CALN1: variants seen among roughly 807,000 people sequenced by gnomAD.
CALN1 encodes the protein calneuron 1, also known as calcium-binding protein 8.
A neutral mutation model predicts 30.6 loss-of-function variants in CALN1; 17 were observed. The ratio of observed to expected loss-of-function variants is 0.56; its 90% CI spans 0.38 to 0.83. CALN1 has a LOEUF of 0.83. CALN1 is among the 40% of genes least tolerant of loss of function. CALN1 has a pLI of 0.00. For missense variants in CALN1, 291 were observed against 354.9 expected, an observed-to-expected ratio of 0.82 and a Z score of 1.45; for synonymous variants, 156 against 131.4, an observed-to-expected ratio of 1.19 and a Z score of -1.28.
chr7:72,385,010 C>T (rs1486356225), intron 2 of CALN1, among the ~76,000 whole-genome samples: 2 of 152,050 alleles, frequency 1.3e-5, no homozygotes, highest in African/African-American at 4.8e-5. Context: ...GAACATACTC[C>T]TCCGCAAGAA....
intron 2 of CALN1, among the ~76,000 whole-genome samples, chr7:72,328,459 C>T (rs1416930581): frequency 6.6e-6 from 1 of 152,192 alleles, no homozygotes; most frequent in Non-Finnish European, 1.5e-5. Context: ...GCCTCCCAGG[C>T]ATGTGGTACT....
Position 72,432,237 on chromosome 7 carries a change from G to A in CALN1, c.-226+14805C>T, listed in dbSNP as rs558858941. 2.6e-5 allele frequency among the ~76,000 whole-genome samples: 4 copies of A among 152,230 alleles called. No individual in the cohort carries two copies. In the South Asian group the frequency reaches 6.2e-4, roughly 24 times the overall value. On this transcript the variant is annotated intron_variant, in intron 1 of 6. Coordinates refer to the CALN1 transcript ENST00000395276. ...GCAGTTCTCCTGCCTACACTCTCTT[G>A]CCTGCCACCATGTAAGACGTGCCTT...
At chr7:72,051,067 T>C (rs1478821270) in intron 4 of CALN1, among the ~76,000 whole-genome samples, 1 of 150,992 alleles carries the variant, frequency 6.6e-6, no homozygotes, top group Non-Finnish European at 1.5e-5. Flanking sequence ...AAGGAAAAAA[T>C]AAAACATTTT....
At chr7:72,483,443 C>G in the CALN1 span, among the ~76,000 whole-genome samples, 1 of 151,936 alleles carries the variant, frequency 6.6e-6, no homozygotes, top group African/African-American at 2.4e-5. Flanking sequence ...CACCACCATG[C>G]CCAGCTAATT....
intron 5 of CALN1, among the ~76,000 whole-genome samples, chr7:72,004,416 T>C (rs73366301): frequency 0.013 from 2,005 of 152,218 alleles, 46 homozygotes; most frequent in African/African-American, 0.043. Context: ...ATGTAAAACA[T>C]AGAACTATAA....
At chr7:72,046,274 G>C (rs1432375348) in intron 4 of CALN1, among the ~76,000 whole-genome samples, 1 of 151,926 alleles carries the variant, frequency 6.6e-6, no homozygotes, top group East Asian at 1.9e-4. Flanking sequence ...TCTTTTTCTT[G>C]CCCAGGCCGG....
intron 4 of CALN1, among the ~76,000 whole-genome samples, chr7:72,083,116 G>A (rs1172501989): frequency 3.3e-5 from 5 of 152,004 alleles, no homozygotes; most frequent in East Asian, 3.9e-4. Flanking sequence ...TGGGAGAATC[G>A]CTTGAGCCTG....
chr7:72,478,395 A>G, the CALN1 span, among the ~76,000 whole-genome samples: 1 of 144,618 alleles, frequency 6.9e-6, no homozygotes, highest in Admixed American at 6.9e-5. Context: ...ATATAGAAAT[A>G]TATATATATT....
the CALN1 span, among the ~76,000 whole-genome samples, chr7:72,478,882 C>A: frequency 1.5e-5 from 1 of 68,576 alleles, no homozygotes; most frequent in South Asian, 7.2e-4. Flanking sequence ...GCATACGAAC[C>A]ACTTCTTTTT....
intron 3 of CALN1, among the ~76,000 whole-genome samples, chr7:72,142,259 G>A (rs752484729): frequency 3.2e-4 from 48 of 152,128 alleles, no homozygotes; most frequent in Non-Finnish European, 7.4e-5. Context: ...CTGGAAAATC[G>A]GGTCACTCCC....
chr7:72,483,316 G>A, the CALN1 span, among the ~76,000 whole-genome samples: 3 of 112,602 alleles, frequency 2.7e-5, no homozygotes, highest in East Asian at 8.9e-4. Flanking sequence ...ACAAAGGCTT[G>A]CTCTGTTGCC....
intron 5 of CALN1, among the ~76,000 whole-genome samples, chr7:71,984,165 C>CA (rs947549362): frequency 6.6e-6 from 1 of 151,768 alleles, no homozygotes; most frequent in Non-Finnish European, 1.5e-5. Flanking sequence ...ACAGATGAGC[C>CA]AAAAAAACAC....
In CALN1 at chr7:72,403,105, G is replaced by T. The variant is rs1004627659; in HGVS notation, c.119+146C>A. On this transcript the variant is annotated intron_variant, in intron 2 of 6. Coordinates refer to ENST00000395275, the MANE Select transcript of CALN1 (RefSeq NM_031468.4). ...GGATAGAATCTCTGTACCCAGCCAGGACAGCTCTCCCAGGTGTCCATTTCA... is the reference window on the plus strand; with the variant it reads ...GGATAGAATCTCTGTACCCAGCCAGTACAGCTCTCCCAGGTGTCCATTTCA... 9.4e-5 allele frequency: 56 copies of T among 598,498 alleles called. 1 individual carries two copies. Among genetic ancestry groups the T allele is most frequent in the Non-Finnish European group, 8.5e-5 (29 of 342,088 alleles). The allele number at this position is 598,498 out of a possible 1,614,324, so 37.1% of individuals were successfully genotyped here. A position where few individuals can be genotyped will look rare whatever the true frequency, so the allele number is the denominator to read the frequency against.
chr7:71,881,890 T>C (rs1306881582), intron 5 of CALN1, among the ~76,000 whole-genome samples: 2 of 149,272 alleles, frequency 1.3e-5, no homozygotes, highest in Non-Finnish European at 3.0e-5. Context: ...CTAAGCAATG[T>C]AGCAATACCC....
intron 3 of CALN1, among the ~76,000 whole-genome samples, chr7:72,178,427 T>C (rs1789524189): frequency 6.6e-6 from 1 of 152,142 alleles, no homozygotes; most frequent in Non-Finnish European, 1.5e-5. Context: ...GAGCGGTGGC[T>C]CATGTCTGTA....
At chr7:72,455,775 G>A in the CALN1 span, among the ~76,000 whole-genome samples, 1 of 152,048 alleles carries the variant, frequency 6.6e-6, no homozygotes, top group Non-Finnish European at 1.5e-5. Context: ...CCAAGCAAGG[G>A]GGAATAAGCC....
intron 4 of CALN1, among the ~76,000 whole-genome samples, chr7:72,094,263 ACATAC>A (rs1251087956): frequency 6.9e-6 from 1 of 145,922 alleles, no homozygotes; most frequent in Admixed American, 6.9e-5. Flanking sequence ...AAATAGGTGC[ACATAC>A]CAGAATTTTT....
chr7:71,841,838 G>A (rs1046964336), intron 5 of CALN1, among the ~76,000 whole-genome samples: 9 of 152,036 alleles, frequency 5.9e-5, no homozygotes, highest in African/African-American at 2.2e-4. Flanking sequence ...ATAAACACTA[G>A]GGACTACTAG....
intron 3 of CALN1, among the ~76,000 whole-genome samples, chr7:72,275,725 C>T (rs1379203703): frequency 6.6e-6 from 1 of 152,182 alleles, no homozygotes; most frequent in Non-Finnish European, 1.5e-5. Flanking sequence ...GCTTGGAGGG[C>T]TCTTAGAATT....
Sources: allele counts gnomAD v4.1 joint callset (sites outside exome capture counted in the v4.1 genomes callset), GRCh38; gene constraint gnomAD v4.1.1; transcripts MANE v1.5; gene names NCBI Gene and HGNC (gene_info 2026-07-23, HGNC 2026-07-21).